SEC23IP: variants seen among roughly 807,000 people sequenced by gnomAD.
SEC23IP encodes SEC23-interacting protein.
In SEC23IP, 70 loss-of-function variants were observed where a neutral mutation model predicts 113.4. The ratio of observed to expected loss-of-function variants is 0.62; its 90% CI spans 0.51 to 0.75. The LOEUF (loss-of-function observed/expected upper bound fraction) is 0.75. SEC23IP is among the 30% of genes least tolerant of loss of function. The pLI is 0.00. For missense variants in SEC23IP, 1,160 were observed against 1,204.9 expected (o/e 0.96, Z 0.55); for synonymous variants, 398 against 421.0 (o/e 0.95, Z 0.67).
At chr10:119,911,039 T>G (rs976872317) in intron 5 of SEC23IP, among the ~76,000 whole-genome samples, 1 of 144,982 alleles carries the variant, frequency 6.9e-6, no homozygotes, top group African/African-American at 2.6e-5. Context: ...TATATATTCT[T>G]TTTTTTTTTT....
At chr10:119,901,014 TTTC>T (rs1191228927) in intron 2 of SEC23IP, among the ~76,000 whole-genome samples, 62 of 143,932 alleles carry the variant, frequency 4.3e-4, no homozygotes, top group East Asian at 6.2e-4. Context: ...TTTTTTTCTT[TTTC>T]TTCTTCTTTT....
intron 12 of SEC23IP, among the ~76,000 whole-genome samples, chr10:119,921,806 G>T (rs1855258722): frequency 6.6e-6 from 1 of 152,080 alleles, no homozygotes; most frequent in South Asian, 2.1e-4. Context: ...CGTCTTATTT[G>T]TATTGTTATT....
chr10:119,901,885 C>T, intron 2 of SEC23IP, among the ~76,000 whole-genome samples: 1 of 152,070 alleles, frequency 6.6e-6, no homozygotes, highest in East Asian at 1.9e-4. Context: ...CAGGGTTTCA[C>T]CATGTTGGCC....
In SEC23IP at chr10:119,915,084, G is replaced by A. The variant is rs1855004935; in HGVS notation, c.1402+265G>A. 2.6e-5 allele frequency among the ~76,000 whole-genome samples: 4 copies of A among 152,234 alleles called. No individual in the cohort carries two copies. In the South Asian group the frequency reaches 8.3e-4, roughly 32 times the overall value. ...GTTGACAGCCTTTGCCTGAGCACCT[G>A]CAGCAGCTAGGAGCACCTCTGCATT... On this transcript the variant is annotated intron_variant, in intron 7 of 18. Transcript: ENST00000369075.
chr10:119,923,693 C>T (rs574878160), intron 12 of SEC23IP, among the ~76,000 whole-genome samples: 5 of 152,014 alleles, frequency 3.3e-5, no homozygotes, highest in African/African-American at 4.8e-5. Context: ...GGATTATAGG[C>T]GTCTGCCACC....
intron 1 of SEC23IP, 192 bp from the exon 2 acceptor site, chr10:119,898,235 G>A: frequency 9.7e-7 from 1 of 1,030,604 alleles, no homozygotes; most frequent in Non-Finnish European, 1.3e-6. Flanking sequence ...TCTTATTCAT[G>A]TTTTCTAGTT....
intron 1 of SEC23IP, among the ~76,000 whole-genome samples, chr10:119,896,427 G>A (rs1372906096): frequency 1.3e-5 from 2 of 152,232 alleles, no homozygotes; most frequent in Admixed American, 6.5e-5. Flanking sequence ...ATACAGAAAA[G>A]GGAGCATGGA....
At chr10:119,936,703 C>T (rs550385121) in intron 18 of SEC23IP, among the ~76,000 whole-genome samples, 14 of 151,698 alleles carry the variant, frequency 9.2e-5, no homozygotes, top group African/African-American at 2.9e-4. Flanking sequence ...TTTTTTTTTG[C>T]TAATTTGATA....
intron 9 of SEC23IP, 21 bp from the exon 10 acceptor site, chr10:119,918,372 C>T (rs766368339): frequency 5.6e-6 from 8 of 1,432,090 alleles, no homozygotes; most frequent in Non-Finnish European, 5.9e-6. Context: ...CATTATAAGG[C>T]AAAATGTTTC....
At chr10:119,905,510 C>T (rs751737649) in intron 4 of SEC23IP, among the ~76,000 whole-genome samples, 8 of 152,106 alleles carry the variant, frequency 5.3e-5, no homozygotes, top group Non-Finnish European at 1.2e-4. Flanking sequence ...AGCTTTTGTT[C>T]GGCTTCTTCC....
intron 5 of SEC23IP, among the ~76,000 whole-genome samples, chr10:119,909,588 C>G (rs1275345932): frequency 2.0e-5 from 3 of 152,036 alleles, no homozygotes; most frequent in African/African-American, 4.8e-5. Flanking sequence ...AAGACCTCGT[C>G]TCAAAATAAA....
In SEC23IP at chr10:119,918,511, G is replaced by T. The variant is rs1430341442; in HGVS notation, c.1872G>T (p.Gln624His). 6.3e-7 allele frequency: 1 copy of T among 1,581,494 alleles called. No individual in the cohort carries two copies. Among genetic ancestry groups the T allele is most frequent in the Non-Finnish European group, 8.7e-7 (1 of 1,150,282 alleles). Reference protein sequence around the residue: ...VVKQLHFQEKQMPEEPKLTLD... With the variant: ...VVKQLHFQEKHMPEEPKLTLD... ...AGCAGCTACATTTTCAGGAAAAGCAGGTACGTCTGTACGTGGCCAATTAAC... is the reference window on the plus strand; with the variant it reads ...AGCAGCTACATTTTCAGGAAAAGCATGTACGTCTGTACGTGGCCAATTAAC... Residue 624 changes from glutamine to histidine, a missense_variant and splice_region_variant, in exon 10 of 19, where the codon CAG (glutamine) becomes CAT (histidine). Physicochemically the swap from Gln to His is conservative, Grantham distance 24 (BLOSUM62 0). Coordinates refer to ENST00000369075, the MANE Select transcript of SEC23IP (RefSeq NM_007190.4).
intron 9 of SEC23IP, 136 bp from the exon 10 acceptor site, chr10:119,918,257 T>C (rs1855118015): frequency 1.5e-6 from 1 of 682,506 alleles, no homozygotes; most frequent in Non-Finnish European, 2.5e-6. Flanking sequence ...TATTCTGCTG[T>C]TTGATAAAAT....
At chr10:119,897,653 G>T (rs1854320929) in intron 1 of SEC23IP, among the ~76,000 whole-genome samples, 1 of 152,060 alleles carries the variant, frequency 6.6e-6, no homozygotes, top group South Asian at 2.1e-4. Flanking sequence ...ATATGTATTT[G>T]GGTAGTCGAG....
At chr10:119,931,715 G>A (rs1428808979) in intron 15 of SEC23IP, among the ~76,000 whole-genome samples, 2 of 151,872 alleles carry the variant, frequency 1.3e-5, no homozygotes, top group East Asian at 1.9e-4. Context: ...ACCACGCCCG[G>A]CTAATTTTTT....
In SEC23IP at chr10:119,915,878, A is replaced by T. The variant is rs1305663119; in HGVS notation, c.1533A>T (p.Thr511=). 4 of 1,540,290 alleles carry T rather than the reference A, an allele frequency of 2.6e-6. No homozygotes were observed. In the South Asian group the frequency reaches 5.2e-5, roughly 20 times the overall value. ...HWHSSLGGDA[T]GVDRNIKKIT... ...ATAGTTCTTTGGGTGGGGACGCCAC[A>T]GGTGTGGACAGGTTTGTGGATTTTG... The change falls in exon 8 of 19, where the codon ACA becomes ACT. Residue 511 remains threonine (T), a synonymous_variant. Transcript: ENST00000369075.
intron 2 of SEC23IP, among the ~76,000 whole-genome samples, chr10:119,902,496 G>A (rs954040386): frequency 6.6e-6 from 1 of 151,870 alleles, no homozygotes; most frequent in East Asian, 1.9e-4. Context: ...AATTTTTGTG[G>A]GTACATAGTA....
chr10:119,936,951 G>C (rs540104375), intron 18 of SEC23IP, among the ~76,000 whole-genome samples: 75 of 151,804 alleles, frequency 4.9e-4, no homozygotes, highest in African/African-American at 1.7e-3. Flanking sequence ...GCAGTGGCGT[G>C]ATCTCGGCTC....
chr10:119,915,942 A>T (rs1442567864), intron 8 of SEC23IP, 53 bp downstream of exon 8: 2 of 1,364,278 alleles, frequency 1.5e-6, no homozygotes, highest in Non-Finnish European at 1.9e-6. Flanking sequence ...TAAATTTAAG[A>T]TTTAAACCGT....
Sources: allele counts gnomAD v4.1 joint callset (sites outside exome capture counted in the v4.1 genomes callset), GRCh38; gene constraint gnomAD v4.1.1; transcripts MANE v1.5; gene names NCBI Gene and HGNC (gene_info 2026-07-23, HGNC 2026-07-21).